HACD2: variants seen among roughly 807,000 people sequenced by gnomAD.
HACD2 encodes the protein 3-hydroxyacyl-CoA dehydratase 2, also known as very-long-chain (3R)-3-hydroxyacyl-CoA dehydratase 2.
In HACD2, 15 loss-of-function variants were observed where a neutral mutation model predicts 31.0. The observed-to-expected ratio is 0.48, with a 90% CI of 0.32 to 0.75. HACD2 has a LOEUF of 0.75. Among genes scored for constraint, HACD2 ranks in the 30% least tolerant of loss-of-function variants. The pLI is 0.03. For synonymous variants in HACD2, 115 were observed against 122.2 expected, an observed-to-expected ratio of 0.94 and a Z score of 0.39; for missense variants, 283 against 313.0, an observed-to-expected ratio of 0.90 and a Z score of 0.72.
At chr3:123,501,476 T>C (rs1372243170) in intron 5 of HACD2, among the ~76,000 whole-genome samples, 1 of 152,238 alleles carries the variant, frequency 6.6e-6, no homozygotes, top group Non-Finnish European at 1.5e-5. Flanking sequence ...TGGCTCACAA[T>C]GTGCAACGGA....
In HACD2 at chr3:123,494,787, TCTTA is replaced by T; in HGVS notation, c.*97_*100del. On this transcript the variant is annotated 3_prime_UTR_variant, in exon 7 of 7. Transcript: ENST00000383657. Reference sequence around the variant, plus strand: ...TTTGTTTGAATATTTTAAAAATAGTTCTTACTTATTTTCTATGAAACGTATTGGG... The same window carrying T: ...TTTGTTTGAATATTTTAAAAATAGTTCTTATTTTCTATGAAACGTATTGGG... 5 of 766,098 alleles carry T rather than the reference TCTTA, an allele frequency of 6.5e-6. No individual in the cohort carries two copies. Among genetic ancestry groups the T allele is most frequent in the East Asian group, 2.7e-5 (1 of 37,148 alleles). 47.5% of individuals were successfully genotyped at this position (766,098 alleles called of 1,614,324 possible).
At chr3:123,571,698 A>G (rs905573613) in intron 2 of HACD2, among the ~76,000 whole-genome samples, 9 of 152,162 alleles carry the variant, frequency 5.9e-5, no homozygotes, top group Admixed American at 3.3e-4. Flanking sequence ...TGACAACTTG[A>G]TTTCAATCTT....
At chr3:123,584,803 C>A in intron 1 of HACD2, 70 bp downstream of exon 1, 11 of 1,271,602 alleles carry the variant, frequency 8.7e-6, no homozygotes, top group Non-Finnish European at 1.0e-5. Flanking sequence ...ATCCTATCCG[C>A]CCCGCCGCTG....
At chr3:123,514,331 A>G (rs1198738629) in intron 4 of HACD2, among the ~76,000 whole-genome samples, 1 of 152,130 alleles carries the variant, frequency 6.6e-6, no homozygotes, top group East Asian at 1.9e-4. Context: ...TAAAATGCCA[A>G]TAATTGGGGA....
At chr3:123,542,590 C>CGGCA (rs1190351956) in intron 3 of HACD2, among the ~76,000 whole-genome samples, 2 of 152,196 alleles carry the variant, frequency 1.3e-5, no homozygotes, top group African/African-American at 4.8e-5. Context: ...GAGATGCCAA[C>CGGCA]GGCATAAGCC....
At chr3:123,523,175 C>T (rs2056238317) in intron 4 of HACD2, among the ~76,000 whole-genome samples, 1 of 152,174 alleles carries the variant, frequency 6.6e-6, no homozygotes, top group Admixed American at 6.5e-5. Context: ...AGGAAAAACC[C>T]CAACAACGAA....
At chr3:123,520,220 T>TA (rs955966671) in intron 4 of HACD2, among the ~76,000 whole-genome samples, 2 of 152,090 alleles carry the variant, frequency 1.3e-5, no homozygotes, top group African/African-American at 4.8e-5. Flanking sequence ...TCTAGAGTAC[T>TA]AAAAAAACCC....
At chr3:123,534,081 C>A (rs1326682638) in intron 3 of HACD2, among the ~76,000 whole-genome samples, 1 of 151,694 alleles carries the variant, frequency 6.6e-6, no homozygotes, top group Non-Finnish European at 1.5e-5. Flanking sequence ...GGGGATCTGG[C>A]AATTGGTTGC....
chr3:123,536,826 A>T (rs1446523978), intron 3 of HACD2, among the ~76,000 whole-genome samples: 1 of 152,230 alleles, frequency 6.6e-6, no homozygotes, highest in African/African-American at 2.4e-5. Flanking sequence ...AGTATGTTCG[A>T]GGATATCATA....
At chr3:123,580,186 G>C (rs1382268083) in intron 2 of HACD2, among the ~76,000 whole-genome samples, 2 of 149,990 alleles carry the variant, frequency 1.3e-5, no homozygotes, top group East Asian at 3.9e-4. Flanking sequence ...AAAGAAAAAA[G>C]AAAGAAAGAA....
chr3:123,548,513 ATT>A (rs2056584603), intron 3 of HACD2, among the ~76,000 whole-genome samples: 1 of 152,186 alleles, frequency 6.6e-6, no homozygotes, highest in South Asian at 2.1e-4. Flanking sequence ...GATTGGAAAC[ATT>A]TTGTTTTAAG....
intron 3 of HACD2, among the ~76,000 whole-genome samples, chr3:123,530,611 G>T (rs957578367): frequency 2.6e-5 from 4 of 152,076 alleles, no homozygotes; most frequent in African/African-American, 9.7e-5. Context: ...GTTTCATTAT[G>T]TTGGCCAGGA....
chr3:123,533,413 T>A (rs2056389219), intron 3 of HACD2, among the ~76,000 whole-genome samples: 1 of 152,236 alleles, frequency 6.6e-6, no homozygotes, highest in East Asian at 1.9e-4. Context: ...CATCCCAAAG[T>A]GCTGGGATTA....
At chr3:123,514,699 G>A (rs549166293) in intron 4 of HACD2, among the ~76,000 whole-genome samples, 11 of 152,238 alleles carry the variant, frequency 7.2e-5, no homozygotes, top group Admixed American at 3.3e-4. Flanking sequence ...TAAACAAGCC[G>A]AAGACAAGGT....
intron 4 of HACD2, among the ~76,000 whole-genome samples, chr3:123,506,143 C>T (rs1423206652): frequency 6.6e-6 from 1 of 152,218 alleles, no homozygotes; most frequent in Non-Finnish European, 1.5e-5. Context: ...TGGGTAGAGG[C>T]TTTGATAATC....
chr3:123,500,137 T>A (rs1246454301), intron 6 of HACD2, among the ~76,000 whole-genome samples: 1 of 152,234 alleles, frequency 6.6e-6, no homozygotes, highest in Non-Finnish European at 1.5e-5. Context: ...AAAATCTTTT[T>A]ATCATGTTTT....
intron 3 of HACD2, among the ~76,000 whole-genome samples, chr3:123,544,734 T>C (rs1388811615): frequency 6.6e-6 from 1 of 152,178 alleles, no homozygotes; most frequent in Non-Finnish European, 1.5e-5. Flanking sequence ...TCTCAGCTAA[T>C]ATACTTATTC....
At chr3:123,549,808 A>G (rs1262287972) in intron 3 of HACD2, among the ~76,000 whole-genome samples, 1 of 152,038 alleles carries the variant, frequency 6.6e-6, no homozygotes, top group Non-Finnish European at 1.5e-5. Flanking sequence ...AGACTGACAT[A>G]CCTCTAAAGC....
At chr3:123,568,102 T>C (rs1576236044) in intron 2 of HACD2, among the ~76,000 whole-genome samples, 1 of 152,192 alleles carries the variant, frequency 6.6e-6, no homozygotes, top group Non-Finnish European at 1.5e-5. Context: ...GCAATAAGTG[T>C]ACAGCATCTC....
Sources: gnomAD v4.1 joint callset for allele counts (sites outside exome capture counted in the v4.1 genomes callset) on GRCh38, gnomAD v4.1.1 for gene constraint, MANE v1.5 for transcripts, NCBI Gene and HGNC (gene_info 2026-07-23, HGNC 2026-07-21) for gene names.